SRGAP1: variants seen among roughly 807,000 people sequenced by gnomAD.
SRGAP1 encodes SLIT-ROBO Rho GTPase activating protein 1.
In SRGAP1, 43 loss-of-function variants were observed where a neutral mutation model predicts 121.9. That is an observed-to-expected ratio of 0.35 (90% CI 0.28 to 0.46). The LOEUF is 0.46. Ranked by LOEUF, SRGAP1 falls within the 20% of genes least tolerant of loss-of-function variation. The pLI is 1.00. For missense variants in SRGAP1, 1,102 were observed against 1,350.9 expected, an observed-to-expected ratio of 0.82 and a Z score of 2.89; for synonymous variants, 447 against 485.4, an observed-to-expected ratio of 0.92 and a Z score of 1.04.
intron 1 of SRGAP1, among the ~76,000 whole-genome samples, chr12:63,903,467 A>T (rs548279923): frequency 1.3e-5 from 2 of 152,166 alleles, no homozygotes; most frequent in East Asian, 3.9e-4. Context: ...GCTGTACTTG[A>T]ACTCCTGACT....
chr12:63,853,501 A>G (rs1212448453), intron 1 of SRGAP1, among the ~76,000 whole-genome samples: 1 of 152,230 alleles, frequency 6.6e-6, no homozygotes, highest in East Asian at 1.9e-4. Context: ...TTTGAAGAAC[A>G]TTTTATGATG....
rs1175797383 is a variant in SRGAP1, at chr12:63,994,638, T to C, written c.426+4566T>C. ...TTAATTCCAGACCTTCTACTAGATG[T>C]AGACAATGTAAACACAGATAGGAGA... is the stretch of plus-strand genomic sequence containing the variant. On this transcript the variant is annotated intron_variant, in intron 3 of 21. Coordinates refer to ENST00000355086, the MANE Select transcript of SRGAP1 (RefSeq NM_020762.4). Among the ~76,000 whole-genome samples, 3 of 152,194 alleles carry C rather than the reference T, an allele frequency of 2.0e-5. No homozygotes were observed. The East Asian group carries it at 5.8e-4, about 29-fold the overall frequency.
intron 8 of SRGAP1, among the ~76,000 whole-genome samples, chr12:64,078,342 C>G (rs10161387): frequency 0.12 from 18,113 of 152,162 alleles, 1,291 homozygotes; most frequent in South Asian, 0.31. Context: ...AATATACTCA[C>G]AAGAAATGAG....
chr12:64,002,576 T>A (rs531455210), intron 3 of SRGAP1, among the ~76,000 whole-genome samples: 1 of 152,304 alleles, frequency 6.6e-6, no homozygotes, highest in African/African-American at 2.4e-5. Flanking sequence ...TATGAACTGC[T>A]GAATCCCTAA....
At chr12:63,987,144 C>T (rs1241384777) in intron 2 of SRGAP1, among the ~76,000 whole-genome samples, 1 of 152,176 alleles carries the variant, frequency 6.6e-6, no homozygotes, top group Admixed American at 6.5e-5. Context: ...ATAACCAGCC[C>T]AGGATATGCA....
At chr12:63,893,981 G>GTAGGCGGATGTGGTA (rs1260332641) in intron 1 of SRGAP1, among the ~76,000 whole-genome samples, 1 of 152,206 alleles carries the variant, frequency 6.6e-6, no homozygotes, top group Admixed American at 6.5e-5. Context: ...TGGGACTACA[G>GTAGGCGGATGTGGTA]GCATCCGCCA....
intron 4 of SRGAP1, among the ~76,000 whole-genome samples, chr12:64,028,388 A>G (rs1223183380): frequency 1.3e-5 from 2 of 152,194 alleles, no homozygotes; most frequent in African/African-American, 2.4e-5. Context: ...AGTTGCTTTG[A>G]CCCATAAAAC....
At chr12:63,941,218 T>A (rs1028425911) in intron 1 of SRGAP1, among the ~76,000 whole-genome samples, 1 of 152,044 alleles carries the variant, frequency 6.6e-6, no homozygotes, top group Non-Finnish European at 1.5e-5. Flanking sequence ...TCCTACTGTT[T>A]GCGCTTTTGC....
chr12:64,142,817 T>TA lies in SRGAP1; in HGVS notation c.*145_*146insA. 9.2e-7 allele frequency: 1 copy of TA among 1,092,318 alleles called. No individual in the cohort carries two copies. Among genetic ancestry groups the TA allele is most frequent in the Non-Finnish European group, 1.3e-6 (1 of 772,502 alleles). 67.7% of individuals were successfully genotyped at this position (1,092,318 alleles called of 1,614,324 possible). Reference sequence around the variant, plus strand: ...TTTCTATGTTGTCGAATGTAATGTCTGAGACTAGCTAAATTAACACGGGCA... The same window carrying TA: ...TTTCTATGTTGTCGAATGTAATGTCTAGAGACTAGCTAAATTAACACGGGCA... On this transcript the variant is annotated 3_prime_UTR_variant, in exon 22 of 22. Coordinates refer to ENST00000355086, the MANE Select transcript of SRGAP1 (RefSeq NM_020762.4).
Position 64,147,589 on chromosome 12 carries a change from G to C in SRGAP1, c.*4917G>C. Reference sequence around the variant, plus strand: ...ATCAGTCCCCCGCTCATGTGCTGCTGACAGCATCGCATTCGCCCGTGCTCT... The same window carrying C: ...ATCAGTCCCCCGCTCATGTGCTGCTCACAGCATCGCATTCGCCCGTGCTCT... On this transcript the variant is annotated 3_prime_UTR_variant, in exon 22 of 22. Transcript: ENST00000355086. 2.5e-6 allele frequency: 1 copy of C among 398,738 alleles called. No homozygotes were observed. The highest frequency in any genetic ancestry group is 4.4e-6 in the Non-Finnish European group (1 of 226,176). The allele number at this position is 398,738 out of a possible 1,614,324, so 24.7% of individuals were successfully genotyped here.
chr12:64,018,381 G>A (rs1277059008), intron 4 of SRGAP1, among the ~76,000 whole-genome samples: 1 of 152,118 alleles, frequency 6.6e-6, no homozygotes, highest in Admixed American at 6.6e-5. Flanking sequence ...ATGAGCCACC[G>A]AGCCTGGCCT....
At chr12:63,993,499 C>T (rs750720369) in intron 3 of SRGAP1, among the ~76,000 whole-genome samples, 4 of 152,114 alleles carry the variant, frequency 2.6e-5, no homozygotes, top group Non-Finnish European at 4.4e-5. Flanking sequence ...GAGCATAATG[C>T]TTGTTTTCCT....
intron 1 of SRGAP1, among the ~76,000 whole-genome samples, chr12:63,889,954 T>A (rs552918527): frequency 1.3e-5 from 2 of 152,320 alleles, no homozygotes; most frequent in South Asian, 4.1e-4. Flanking sequence ...ATTTAGTATT[T>A]ATTTACCATG....
At chr12:64,067,548 G>A (rs2035562305) in intron 8 of SRGAP1, among the ~76,000 whole-genome samples, 2 of 152,180 alleles carry the variant, frequency 1.3e-5, no homozygotes, top group Admixed American at 6.5e-5. Context: ...CATGACTACT[G>A]GTTTATGATT....
intron 1 of SRGAP1, among the ~76,000 whole-genome samples, chr12:63,914,799 T>G (rs1007300355): frequency 2.0e-5 from 3 of 152,192 alleles, no homozygotes; most frequent in Non-Finnish European, 4.4e-5. Context: ...CTTTTTTTTT[T>G]CTAAATATGT....
intron 6 of SRGAP1, among the ~76,000 whole-genome samples, chr12:64,058,021 A>G (rs368325916): frequency 6.6e-6 from 1 of 152,196 alleles, no homozygotes; most frequent in Non-Finnish European, 1.5e-5. Context: ...TAGGGCTCAT[A>G]TCATGGAGTT....
intron 1 of SRGAP1, among the ~76,000 whole-genome samples, chr12:63,962,654 C>G (rs546224096): frequency 6.6e-6 from 1 of 152,266 alleles, no homozygotes; most frequent in South Asian, 2.1e-4. Context: ...GTGATCTGTC[C>G]GCTTTGACCT....
chr12:63,954,998 T>C (rs546660536), intron 1 of SRGAP1, among the ~76,000 whole-genome samples: 133 of 152,314 alleles, frequency 8.7e-4, no homozygotes, highest in African/African-American at 3.0e-3. Flanking sequence ...TTGAAGCCTT[T>C]TAAATTTATT....
At chr12:63,913,980 TTCTTA>T in intron 1 of SRGAP1, among the ~76,000 whole-genome samples, 1 of 152,300 alleles carries the variant, frequency 6.6e-6, no homozygotes, top group South Asian at 2.1e-4. Context: ...TTATTATTTT[TTCTTA>T]TCTGTCCTCT....
Sources: gnomAD v4.1 joint callset for allele counts (sites outside exome capture counted in the v4.1 genomes callset) on GRCh38, gnomAD v4.1.1 for gene constraint, MANE v1.5 for transcripts, NCBI Gene and HGNC (gene_info 2026-07-23, HGNC 2026-07-21) for gene names.